The following SORBS3 variants were observed in gnomAD, a reference collection of about 807,000 sequenced individuals.
SORBS3 encodes sorbin and SH3 domain containing 3, also known as vinexin.
Under a neutral mutation model 98.0 loss-of-function variants are expected in SORBS3, and 69 were observed. The observed-to-expected ratio is 0.70, with a 90% CI of 0.58 to 0.86. SORBS3 has a LOEUF of 0.86. SORBS3 is among the 40% of genes least tolerant of loss of function. The pLI is 0.00. For synonymous variants in SORBS3, 394 were observed against 355.4 expected (o/e 1.11, Z -1.22); for missense variants, 954 against 908.5 (o/e 1.05, Z -0.64).
At chr8:22,561,446 G>A (rs746827447) in intron 6 of SORBS3, 73 bp downstream of exon 6, 6 of 1,547,902 alleles carry the variant, frequency 3.9e-6, no homozygotes, top group Middle Eastern at 3.5e-4. Flanking sequence ...GCTGGGACTC[G>A]CAGCCCCGCC....
At chr8:22,558,286 C>A in intron 5 of SORBS3, 94 bp downstream of exon 5, 2 of 1,187,402 alleles carry the variant, frequency 1.7e-6, no homozygotes, top group East Asian at 2.3e-5. Flanking sequence ...CTTAGCTGCT[C>A]AAGGGGTTCT....
At chr8:22,560,255 C>T (rs1283319737) in intron 5 of SORBS3, among the ~76,000 whole-genome samples, 3 of 151,976 alleles carry the variant, frequency 2.0e-5, no homozygotes, top group African/African-American at 7.3e-5. Flanking sequence ...GAGTTCAATT[C>T]AATTCCTGGG....
At chr8:22,555,135 C>G (rs1247012262) in intron 3 of SORBS3, among the ~76,000 whole-genome samples, 155 bp downstream of exon 3, 1 of 152,234 alleles carries the variant, frequency 6.6e-6, no homozygotes, top group Non-Finnish European at 1.5e-5. Flanking sequence ...CTATGAGCCC[C>G]TCCCTGCGGA....
intron 8 of SORBS3, 94 bp from the exon 9 acceptor site, chr8:22,564,189 G>A: frequency 6.7e-7 from 1 of 1,489,008 alleles, no homozygotes; most frequent in Non-Finnish European, 9.2e-7. Context: ...CGTGGGCCCA[G>A]GGGAAGGGCA....
chr8:22,565,152 C>T (rs952527476), intron 10 of SORBS3, 116 bp from the exon 11 acceptor site: 2 of 1,480,764 alleles, frequency 1.4e-6, no homozygotes, highest in Non-Finnish European at 9.1e-7. Context: ...TGCGCTGAGG[C>T]CTGCCCTTAC....
upstream of SORBS3, among the ~76,000 whole-genome samples, chr8:22,549,012 C>T (rs1301819726): frequency 3.3e-5 from 5 of 152,320 alleles, no homozygotes; most frequent in South Asian, 4.1e-4. Context: ...CCCCTGTTGA[C>T]GGTGATGTTG....
At position 22,566,504 on chromosome 8, in the gene SORBS3, C is replaced by T. The variant is rs1840425943; in HGVS notation, c.1090+20C>T. 1.9e-6 allele frequency: 3 copies of T among 1,609,774 alleles called. No homozygotes were observed. Among genetic ancestry groups the T allele is most frequent in the Admixed American group, 3.4e-5 (2 of 59,642 alleles). On this transcript the variant is annotated intron_variant, in intron 13 of 20. Transcript: ENST00000240123. ...CCCGAGGTAAGGACCCAGCCCTGCT[C>T]TCTTTCTCACGGAGATGCCCACCCA...
intron 11 of SORBS3, 29 bp from the exon 12 acceptor site, chr8:22,565,797 G>A: frequency 7.6e-7 from 1 of 1,318,928 alleles, no homozygotes; most frequent in Non-Finnish European, 9.7e-7. Context: ...CGGGGTCGCG[G>A]GCCCTGATTG....
chr8:22,548,636 G>T (rs1402136019), upstream of SORBS3, among the ~76,000 whole-genome samples: 1 of 152,160 alleles, frequency 6.6e-6, no homozygotes, highest in African/African-American at 2.4e-5. Flanking sequence ...CTCCATGGGG[G>T]TACTGAGGCA....
At chr8:22,565,590 C>T (rs1351027257) in intron 11 of SORBS3, 1 of 712,914 alleles carries the variant, frequency 1.4e-6, no homozygotes, top group Non-Finnish European at 1.9e-6. Flanking sequence ...GACTCCACGT[C>T]AGCCCGACGA....
At chr8:22,565,663 G>C (rs377157427) in intron 11 of SORBS3, 163 bp from the exon 12 acceptor site, 1 of 1,205,902 alleles carries the variant, frequency 8.3e-7, no homozygotes, top group Non-Finnish European at 1.0e-6. Context: ...CCTTCCCCTA[G>C]TTCCCGCCCC....
Position 22,564,283 on chromosome 8 carries a change from G to A in SORBS3, c.676G>A (p.Val226Met). 3.1e-6 allele frequency: 5 copies of A among 1,589,954 alleles called. No homozygotes were observed. The highest frequency in any genetic ancestry group is 4.3e-6 in the Non-Finnish European group (5 of 1,166,828). The stretch of plus-strand genomic sequence containing the variant: ...CTGACACCCACCCACCTCCACGCAG[G>A]TGCTCAGACGCCGGGAAAAAGTAGA... ...FSTVLQPSNQVLRRREKVDNV... is the reference protein window; with the variant it reads ...FSTVLQPSNQMLRRREKVDNV... Residue 226 changes from valine to methionine, a missense_variant and splice_region_variant, in exon 9 of 21, where the codon GTG (valine) becomes ATG (methionine). By Grantham distance (21) the Val-to-Met change is conservative (BLOSUM62 1). Transcript: ENST00000240123.
intron 5 of SORBS3, among the ~76,000 whole-genome samples, chr8:22,559,695 G>T (rs7006760): frequency 0.74 from 111,120 of 150,336 alleles, 41,206 homozygotes; most frequent in African/African-American, 0.81. Context: ...AGAGCAAGAC[G>T]CTGTCTCTAA....
rs1840134398 is a variant in SORBS3, at chr8:22,553,948, C to A, written c.-55-504C>A. Among the ~76,000 whole-genome samples, 5 of 152,242 alleles carry A rather than the reference C, an allele frequency of 3.3e-5. No homozygotes were observed. In the South Asian group the frequency reaches 1.0e-3, roughly 31 times the overall value. ...CCTATTGGGCTTAAGGCCCTGCTGA[C>A]TGCTTCCTGGAGGGCAGTGGGCGGG... On this transcript the variant is annotated intron_variant, in intron 1 of 20. Coordinates refer to ENST00000240123, the MANE Select transcript of SORBS3 (RefSeq NM_005775.5).
At position 22,558,291 on chromosome 8, in the gene SORBS3, G is replaced by C. The variant is rs892487779; in HGVS notation, c.478+99G>C. ...GAAAAGGGGACTTAGCTGCTCAAGG[G>C]GTTCTTCTCCACCTTCTCCCAGGCT... On this transcript the variant is annotated intron_variant, in intron 5 of 20. Transcript: ENST00000240123. The C allele has an allele frequency of 5.4e-5, 61 of 1,128,998 alleles. No individual in the cohort carries two copies. In the African/African-American group the frequency reaches 8.9e-4, roughly 16 times the overall value. 69.9% of individuals were successfully genotyped at this position (1,128,998 alleles called of 1,614,324 possible).
rs1431200746 is a variant in SORBS3 at position 22,565,940 on chromosome 8, CG to C, written c.950+71del. 7.9e-5 allele frequency: 86 copies of C among 1,088,120 alleles called. 2 individuals carry two copies. The highest frequency in any genetic ancestry group is 1.3e-5 in the Non-Finnish European group (11 of 858,584). The allele number at this position is 1,088,120 out of a possible 1,614,324, so 67.4% of individuals were successfully genotyped here. ...CGGGCGGGAGGGAACGTGGCGCGGC[CG>C]GGCGGGGCGGACGGGGGCGATCGCG... On this transcript the variant is annotated intron_variant, in intron 12 of 20. Coordinates refer to ENST00000240123, the MANE Select transcript of SORBS3 (RefSeq NM_005775.5).
At chr8:22,563,512 T>C (rs1840338994) in intron 7 of SORBS3, among the ~76,000 whole-genome samples, 1 of 152,086 alleles carries the variant, frequency 6.6e-6, no homozygotes, top group Admixed American at 6.5e-5. Flanking sequence ...TGCCCATGGG[T>C]GTACGATCAC....
At chr8:22,571,571 C>A in intron 18 of SORBS3, 147 bp from the exon 19 acceptor site, 1 of 654,998 alleles carries the variant, frequency 1.5e-6, no homozygotes, top group Non-Finnish European at 2.8e-6. Context: ...TCCCTGTGCC[C>A]TGGGGGTTTG....
chr8:22,556,939 T>A (rs1014818418), intron 4 of SORBS3, 31 bp downstream of exon 4: 2 of 1,607,898 alleles, frequency 1.2e-6, no homozygotes, highest in Admixed American at 3.3e-5. Flanking sequence ...CACGGAGAGA[T>A]GGGGCCCAGG....
Sources: allele counts gnomAD v4.1 joint callset (sites outside exome capture counted in the v4.1 genomes callset), GRCh38; gene constraint gnomAD v4.1.1; transcripts MANE v1.5; gene names NCBI Gene and HGNC (gene_info 2026-07-23, HGNC 2026-07-21).